The following ASTN2 variants were observed in gnomAD, a reference collection of about 807,000 sequenced individuals.
ASTN2 encodes astrotactin-2.
A neutral mutation model predicts 139.8 loss-of-function variants in ASTN2; 54 were observed. The observed-to-expected ratio is 0.39, with a 90% CI of 0.31 to 0.48. The LOEUF is 0.48. Ranked by LOEUF, ASTN2 falls within the 20% of genes least tolerant of loss-of-function variation. ASTN2 has a pLI of 0.95. For synonymous variants in ASTN2, 756 were observed against 719.5 expected, an observed-to-expected ratio of 1.05 and a Z score of -0.81; for missense variants, 1,565 against 1,725.1, an observed-to-expected ratio of 0.91 and a Z score of 1.64.
At chr9:116,946,742 G>T (rs1189333066) in intron 10 of ASTN2, among the ~76,000 whole-genome samples, 1 of 152,046 alleles carries the variant, frequency 6.6e-6, no homozygotes, top group Non-Finnish European at 1.5e-5. Flanking sequence ...GGGGCTTGAG[G>T]TGGGAAGGAT....
chr9:117,327,652 C>T (rs574709088), intron 1 of ASTN2, among the ~76,000 whole-genome samples: 3 of 151,774 alleles, frequency 2.0e-5, no homozygotes, highest in Non-Finnish European at 4.4e-5. Flanking sequence ...ATTCACCTGG[C>T]AGTACATAAA....
In ASTN2 at chr9:116,458,804, A is replaced by T. The variant is rs151171863; in HGVS notation, c.3498-16251T>A. ...AGACATCCTGTATTCATGGACTGGA[A>T]GGCTTAACACTGTTAAACTGGAAAT... is the stretch of plus-strand genomic sequence containing the variant. On this transcript the variant is annotated intron_variant, in intron 20 of 22. Coordinates refer to ENST00000313400, the MANE Select transcript of ASTN2 (RefSeq NM_001365068.1). Among the ~76,000 whole-genome samples, 679 of 152,172 alleles carry T rather than the reference A, an allele frequency of 4.5e-3. 7 individuals carry two copies. The highest frequency in any genetic ancestry group is 0.016 in the African/African-American group (649 of 41,558).
chr9:116,565,351 T>TTCTTTCTCTC (rs1853135061), intron 19 of ASTN2, among the ~76,000 whole-genome samples: 2 of 36,006 alleles, frequency 5.6e-5, no homozygotes, highest in African/African-American at 2.4e-4. Flanking sequence ...AAGACACTGT[T>TTCTTTCTCTC]TCTCTCTCTC....
chr9:116,983,457 T>C lies in ASTN2; in HGVS notation c.1592-6672A>G, dbSNP rs545058208. The stretch of plus-strand genomic sequence containing the variant: ...CTAACACTCGACTAGTCAGTTGCCC[T>C]AGGTCATAGGGCCAGGTCTCCAAAG... On this transcript the variant is annotated intron_variant, in intron 7 of 22. Coordinates refer to ENST00000313400, the MANE Select transcript of ASTN2 (RefSeq NM_001365068.1). Among the ~76,000 whole-genome samples, 6 of 152,302 alleles carry C rather than the reference T, an allele frequency of 3.9e-5. No homozygotes were observed. In the South Asian group the frequency reaches 1.2e-3, roughly 32 times the overall value.
chr9:117,145,390 C>G (rs192057711), intron 3 of ASTN2, among the ~76,000 whole-genome samples: 1 of 152,304 alleles, frequency 6.6e-6, no homozygotes, highest in East Asian at 1.9e-4. Context: ...CACCCTTCAC[C>G]CTCTGGGCTG....
intron 4 of ASTN2, among the ~76,000 whole-genome samples, chr9:117,109,701 C>T (rs1419876244): frequency 1.3e-5 from 2 of 152,048 alleles, no homozygotes; most frequent in Non-Finnish European, 2.9e-5. Context: ...GTTGTTTCAT[C>T]CAATAGGACA....
intron 2 of ASTN2, among the ~76,000 whole-genome samples, chr9:117,261,743 G>C (rs1290846283): frequency 1.3e-5 from 2 of 152,110 alleles, no homozygotes; most frequent in Non-Finnish European, 1.5e-5. Context: ...GAGTGAAATT[G>C]GTTAGGATTT....
intron 11 of ASTN2, among the ~76,000 whole-genome samples, chr9:116,858,691 C>T (rs956355702): frequency 6.6e-6 from 1 of 152,162 alleles, no homozygotes; most frequent in Admixed American, 6.5e-5. Context: ...TGAAGGGGAA[C>T]ACAGGCTCCC....
At chr9:117,035,530 T>C (rs1269625618) in intron 6 of ASTN2, among the ~76,000 whole-genome samples, 1 of 152,172 alleles carries the variant, frequency 6.6e-6, no homozygotes, top group African/African-American at 2.4e-5. Flanking sequence ...TAGTACAATT[T>C]ATAAAATCAA....
chr9:116,654,181 G>A (rs577652835), intron 16 of ASTN2, among the ~76,000 whole-genome samples: 3 of 152,270 alleles, frequency 2.0e-5, no homozygotes, highest in South Asian at 2.1e-4. Context: ...ATGGCCCATG[G>A]GCCAAATCCA....
At chr9:117,059,163 A>G (rs1006236935) in intron 5 of ASTN2, among the ~76,000 whole-genome samples, 2 of 152,166 alleles carry the variant, frequency 1.3e-5, no homozygotes, top group African/African-American at 4.8e-5. Flanking sequence ...TGCAGAGTAC[A>G]GTTGGGGATG....
At chr9:116,496,033 C>T (rs1159296868) in intron 19 of ASTN2, among the ~76,000 whole-genome samples, 2 of 152,156 alleles carry the variant, frequency 1.3e-5, no homozygotes, top group Non-Finnish European at 2.9e-5. Flanking sequence ...GGCTTACTCC[C>T]TCTCCTTTCC....
intron 20 of ASTN2, among the ~76,000 whole-genome samples, chr9:116,470,433 T>C (rs1363700302): frequency 6.6e-6 from 1 of 152,152 alleles, no homozygotes; most frequent in Non-Finnish European, 1.5e-5. Flanking sequence ...TGAGTTCACA[T>C]CCTGGCTCTG....
rs557881616 is a variant in ASTN2 at position 116,914,723 on chromosome 9, G to A, written c.1890-50990C>T. Among the ~76,000 whole-genome samples, 8 of 151,986 alleles carry A rather than the reference G, an allele frequency of 5.3e-5. No individual in the cohort carries two copies. The South Asian group carries it at 1.5e-3, about 28-fold the overall frequency. On this transcript the variant is annotated intron_variant, in intron 10 of 22. Transcript: ENST00000313400. ...CCTGGGTGGCAGGACCAAGAATTAT[G>A]CCAGATGTCACTGGCAGCTGCCACA...
intron 19 of ASTN2, among the ~76,000 whole-genome samples, chr9:116,563,176 C>A (rs989236272): frequency 2.6e-5 from 4 of 152,018 alleles, no homozygotes; most frequent in African/African-American, 9.6e-5. Flanking sequence ...GAGATAGAGA[C>A]CATCCTGGCT....
chr9:117,019,926 G>A (rs1041092550), intron 6 of ASTN2, among the ~76,000 whole-genome samples: 2 of 151,908 alleles, frequency 1.3e-5, no homozygotes, highest in Non-Finnish European at 2.9e-5. Context: ...CATGAAGGAA[G>A]CAAGTTGCCC....
intron 4 of ASTN2, among the ~76,000 whole-genome samples, chr9:117,138,870 C>A (rs1461696408): frequency 6.6e-6 from 1 of 152,090 alleles, no homozygotes; most frequent in African/African-American, 2.4e-5. Flanking sequence ...AAGTTTTATG[C>A]AAAAATACTT....
chr9:117,370,621 G>A (rs1371974069), intron 1 of ASTN2, among the ~76,000 whole-genome samples: 2 of 152,152 alleles, frequency 1.3e-5, no homozygotes, highest in South Asian at 4.1e-4. Context: ...AAATGAGTCA[G>A]AGTAATTAAG....
intron 10 of ASTN2, among the ~76,000 whole-genome samples, chr9:116,920,006 C>T (rs969268939): frequency 6.6e-6 from 1 of 151,782 alleles, no homozygotes; most frequent in Non-Finnish European, 1.5e-5. Context: ...CAGTTCATGG[C>T]TGACAGAAAC....
Sources: gnomAD v4.1 joint callset for allele counts (sites outside exome capture counted in the v4.1 genomes callset) on GRCh38, gnomAD v4.1.1 for gene constraint, MANE v1.5 for transcripts, NCBI Gene and HGNC (gene_info 2026-07-23, HGNC 2026-07-21) for gene names.